The following DLGAP2 variants were observed in gnomAD, a reference collection of about 807,000 sequenced individuals.
DLGAP2 encodes DLG associated protein 2.
DLGAP2 carries 26 observed loss-of-function variants against 100.3 expected under a neutral mutation model. The observed-to-expected ratio is 0.26, with a 90% confidence interval of 0.19 to 0.36. The LOEUF (loss-of-function observed/expected upper bound fraction) is 0.36, where lower values mean the gene tolerates loss of function less well. Among genes scored for constraint, DLGAP2 ranks in the 10% least tolerant of loss-of-function variants. DLGAP2 has a pLI of 1.00. For missense variants in DLGAP2, 1,858 were observed against 1,453.2 expected (o/e 1.28, Z -4.53); for synonymous variants, 886 against 630.1 (o/e 1.41, Z -6.08).
intron 3 of DLGAP2, among the ~76,000 whole-genome samples, chr8:1,323,875 A>G (rs1800963577): frequency 1.3e-5 from 2 of 152,206 alleles, no homozygotes; most frequent in Admixed American, 1.3e-4. Context: ...AAACCAGGGC[A>G]TTTCATGGAT....
Position 1,276,222 on chromosome 8 carries a change from C to T in DLGAP2, c.106+17339C>T, listed in dbSNP as rs117870597. Among the ~76,000 whole-genome samples, 563 of 151,024 alleles carry T rather than the reference C, an allele frequency of 3.7e-3. 12 individuals carry two copies. The East Asian group carries it at 0.059, about 16-fold the overall frequency. ...CTCCAATCAACACTCCCCCCCCGAC[C>T]CTAGCTCTCAATGTTATATTTCTTT... is the stretch of plus-strand genomic sequence containing the variant. On this transcript the variant is annotated intron_variant, in intron 3 of 14. Coordinates refer to ENST00000637795, the MANE Select transcript of DLGAP2 (RefSeq NM_001346810.2).
At chr8:1,179,929 A>T (rs1438948060) in intron 2 of DLGAP2, among the ~76,000 whole-genome samples, 1 of 152,236 alleles carries the variant, frequency 6.6e-6, no homozygotes, top group Non-Finnish European at 1.5e-5. Context: ...GGGAAATTAA[A>T]CCGTGCCTTT....
chr8:1,464,260 TCCAGGACGGCACC>T (rs1798548727), intron 3 of DLGAP2, among the ~76,000 whole-genome samples: 5 of 115,458 alleles, frequency 4.3e-5, no homozygotes, highest in African/African-American at 1.7e-4. Context: ...ACGGCTCCCT[TCCAGGACGGCACC>T]CTTCCAGGAC....
intron 3 of DLGAP2, among the ~76,000 whole-genome samples, chr8:1,270,788 C>T (rs140631144): frequency 1.5e-3 from 223 of 149,432 alleles, no homozygotes; most frequent in Non-Finnish European, 2.7e-3. Context: ...GTGTGTCTAC[C>T]TCTCTCTGTG....
intron 2 of DLGAP2, among the ~76,000 whole-genome samples, chr8:1,145,016 G>C (rs2129050896): frequency 6.6e-6 from 1 of 152,324 alleles, no homozygotes; most frequent in East Asian, 1.9e-4. Flanking sequence ...ACAATGCAAA[G>C]GAAGGAAAAG....
intron 2 of DLGAP2, among the ~76,000 whole-genome samples, chr8:1,070,904 G>A (rs1041258851): frequency 5.3e-5 from 8 of 152,178 alleles, no homozygotes; most frequent in South Asian, 2.1e-4. Context: ...ACTGAGCACC[G>A]TTGGCTCCAG....
At chr8:776,288 T>A (rs1821513978) in intron 1 of DLGAP2, among the ~76,000 whole-genome samples, 2 of 152,180 alleles carry the variant, frequency 1.3e-5, no homozygotes, top group Admixed American at 1.3e-4. Context: ...TTGTTGATCC[T>A]TTCAAGAAAC....
At position 1,637,129 on chromosome 8, in the gene DLGAP2, C is replaced by G. The variant is rs6997785; in HGVS notation, c.1810+4083C>G. Among the ~76,000 whole-genome samples, 638 of 152,288 alleles carry G rather than the reference C, an allele frequency of 4.2e-3. 2 individuals carry two copies. The highest frequency in any genetic ancestry group is 0.015 in the African/African-American group (611 of 41,576). On this transcript the variant is annotated intron_variant, in intron 8 of 14. Transcript: ENST00000637795. ...CGGGGACCAGGTGTGCAGTGTGCAGCCTTTCCAGGTCCACATACCTCTGAC... is the reference window on the plus strand; with the variant it reads ...CGGGGACCAGGTGTGCAGTGTGCAGGCTTTCCAGGTCCACATACCTCTGAC...
At chr8:1,661,029 G>A (rs1798397858) in intron 8 of DLGAP2, among the ~76,000 whole-genome samples, 1 of 152,200 alleles carries the variant, frequency 6.6e-6, no homozygotes, top group Non-Finnish European at 1.5e-5. Context: ...TGTTTCTGCT[G>A]GCAAGGGTTG....
chr8:1,207,387 G>A (rs1563253795), intron 2 of DLGAP2, among the ~76,000 whole-genome samples: 1 of 152,200 alleles, frequency 6.6e-6, no homozygotes, highest in African/African-American at 2.4e-5. Flanking sequence ...ACTCCATCCA[G>A]GCTGCCGCAA....
chr8:1,664,407 C>G (rs560968497), intron 8 of DLGAP2, among the ~76,000 whole-genome samples: 1 of 152,140 alleles, frequency 6.6e-6, no homozygotes, highest in Non-Finnish European at 1.5e-5. Flanking sequence ...CCCAGTCTCT[C>G]TCTGGGCATC....
intron 1 of DLGAP2, among the ~76,000 whole-genome samples, chr8:756,212 G>A (rs1424465000): frequency 2.6e-5 from 4 of 152,150 alleles, no homozygotes; most frequent in Admixed American, 2.6e-4. Flanking sequence ...GTCTGGGGGG[G>A]ATACTGCTGG....
chr8:1,212,518 A>C lies in DLGAP2; in HGVS notation c.74-46333A>C, dbSNP rs138324833. Among the ~76,000 whole-genome samples, 884 of 152,308 alleles carry C rather than the reference A, an allele frequency of 5.8e-3. 7 individuals carry two copies. Among genetic ancestry groups the C allele is most frequent in the African/African-American group, 0.02 (845 of 41,564 alleles). ...AGCACTGTCCATAAAGAGATGAGAT[A>C]GATGAAATCTCAGTGTCCACACACT... On this transcript the variant is annotated intron_variant, in intron 2 of 14. Coordinates refer to ENST00000637795, the MANE Select transcript of DLGAP2 (RefSeq NM_001346810.2).
At chr8:1,410,055 C>T (rs924188438) in intron 3 of DLGAP2, among the ~76,000 whole-genome samples, 5 of 152,152 alleles carry the variant, frequency 3.3e-5, no homozygotes, top group Non-Finnish European at 4.4e-5. Flanking sequence ...CTTTGGCTAA[C>T]TGAGAAATGG....
At chr8:1,019,948 C>T (rs1414405964) in intron 2 of DLGAP2, among the ~76,000 whole-genome samples, 1 of 152,074 alleles carries the variant, frequency 6.6e-6, no homozygotes, top group Admixed American at 6.6e-5. Flanking sequence ...AAGTTGTTTC[C>T]CCAGCAGCAC....
At chr8:1,699,460 A>T (rs1390556360) in intron 14 of DLGAP2, among the ~76,000 whole-genome samples, 1 of 151,894 alleles carries the variant, frequency 6.6e-6, no homozygotes, top group Admixed American at 6.6e-5. Flanking sequence ...AAAAAAAAAA[A>T]AAAATTAGCC....
At chr8:1,030,659 G>A (rs1003389843) in intron 2 of DLGAP2, among the ~76,000 whole-genome samples, 1 of 152,172 alleles carries the variant, frequency 6.6e-6, no homozygotes, top group South Asian at 2.1e-4. Flanking sequence ...AGAACAATCC[G>A]GAATGTGGGC....
intron 6 of DLGAP2, among the ~76,000 whole-genome samples, chr8:1,623,647 A>C (rs551095109): frequency 1.3e-5 from 2 of 152,022 alleles, no homozygotes; most frequent in South Asian, 2.1e-4. Flanking sequence ...ACCTGGCACC[A>C]GTGTGTGATG....
intron 1 of DLGAP2, chr8:738,201 G>C (rs1820371851): frequency 6.0e-6 from 1 of 165,334 alleles, no homozygotes; most frequent in Admixed American, 6.4e-5. Context: ...TACGCGCCTA[G>C]CTCCGGTGGG....
Sources: gnomAD v4.1 joint callset for allele counts (sites outside exome capture counted in the v4.1 genomes callset) on GRCh38, gnomAD v4.1.1 for gene constraint, MANE v1.5 for transcripts, NCBI Gene and HGNC (gene_info 2026-07-23, HGNC 2026-07-21) for gene names.